The following IGSF8 variants were observed in gnomAD, a reference collection of about 807,000 sequenced individuals.
IGSF8 encodes immunoglobulin superfamily member 8.
IGSF8 carries 46 observed loss-of-function variants against 55.5 expected under a neutral mutation model. The observed-to-expected ratio is 0.83, with a 90% CI of 0.65 to 1.06. The LOEUF is 1.06. IGSF8 is among the 50% of genes least tolerant of loss of function. IGSF8 has a pLI of 0.00. For missense variants in IGSF8, 731 were observed against 832.3 expected, an observed-to-expected ratio of 0.88 and a Z score of 1.50; for synonymous variants, 314 against 356.1, an observed-to-expected ratio of 0.88 and a Z score of 1.33.
In IGSF8 at chr1:160,094,704, C is replaced by T. The variant is rs1026900161; in HGVS notation, c.442+165G>A. On this transcript the variant is annotated intron_variant, in intron 2 of 6. Transcript: ENST00000314485. This position sits in a 1 kb window ranked among gnomAD's most constrained non-coding sequence, Gnocchi z 4.0. ...TGAGGAACTCTGGGTTTGAGTCCCA[C>T]ATCAGCCACTGAGTTATTGGGTGAC... 9.2e-5 allele frequency among the ~76,000 whole-genome samples: 14 copies of T among 151,938 alleles called. No individual in the cohort carries two copies. The highest frequency in any genetic ancestry group is 1.9e-4 in the Non-Finnish European group (13 of 68,018).
rs1395644491 is a variant in IGSF8 at position 160,092,511 on chromosome 1, G to A, written c.1497C>T (p.Gly499=). The change falls in exon 5 of 7, where the codon GGC becomes GGT. Residue 499 remains glycine (G), a synonymous_variant. Transcript: ENST00000314485. ...GCTCTGCCACACCATCCTGGCCTAC[G>A]CCACCCACCAGCTGGGCAGGGACAG... ...LSSVPAQLVG[G]VGQDGVAELG... 3.1e-6 allele frequency: 5 copies of A among 1,613,126 alleles called. No homozygotes were observed. Among genetic ancestry groups the A allele is most frequent in the Admixed American group, 3.3e-5 (2 of 59,938 alleles).
At position 160,092,079 on chromosome 1, in the gene IGSF8, C is replaced by T. The variant is rs974676291; in HGVS notation, c.1727-141G>A. On this transcript the variant is annotated intron_variant, in intron 5 of 6. Coordinates refer to ENST00000314485, the MANE Select transcript of IGSF8 (RefSeq NM_052868.6). The stretch of plus-strand genomic sequence containing the variant: ...CCCATCCCTGCCCACAGCCTGCCCC[C>T]TCAGCATGCAAGTCAGCATCAACCA... 8.6e-6 allele frequency: 7 copies of T among 811,164 alleles called. No individual in the cohort carries two copies. In the African/African-American group the frequency reaches 1.0e-4, roughly 12 times the overall value. The allele number at this position is 811,164 out of a possible 1,614,324, so 50.2% of individuals were successfully genotyped here. A position where few individuals can be genotyped will look rare whatever the true frequency, so the allele number is the denominator to read the frequency against.
Position 160,094,773 on chromosome 1 carries a change from C to T in IGSF8, c.442+96G>A. ...CCTCTTTGGGCCTCAAGTTCCTTGG[C>T]TACAAAACCTAAGGGGCAACTAGAT... is the stretch of plus-strand genomic sequence containing the variant. On this transcript the variant is annotated intron_variant, in intron 2 of 6. Coordinates refer to ENST00000314485, the MANE Select transcript of IGSF8 (RefSeq NM_052868.6). This position sits in a 1 kb window ranked among gnomAD's most constrained non-coding sequence, Gnocchi z 4.0. 1 of 1,368,700 alleles carries T rather than the reference C, an allele frequency of 7.3e-7. No homozygotes were observed. The highest frequency in any genetic ancestry group is 2.4e-5 in the East Asian group (1 of 41,660). 84.8% of individuals were successfully genotyped at this position (1,368,700 alleles called of 1,614,324 possible).
In IGSF8 at chr1:160,091,624, G is replaced by T; in HGVS notation, c.*16-16C>A. On this transcript the variant is annotated splice_polypyrimidine_tract_variant and intron_variant, in intron 6 of 6. Coordinates refer to ENST00000314485, the MANE Select transcript of IGSF8 (RefSeq NM_052868.6). ...CCTGCAAGACCTGAAAAGGGTGCCC[G>T]GTGTGGGCTAAGGACAGAGAGCCCT... is the stretch of plus-strand genomic sequence containing the variant. 2 of 587,556 alleles carry T rather than the reference G, an allele frequency of 3.4e-6. No individual in the cohort carries two copies. The highest frequency in any genetic ancestry group is 6.2e-6 in the Non-Finnish European group (2 of 323,710). The allele number at this position is 587,556 out of a possible 1,614,324, so 36.4% of individuals were successfully genotyped here. A position where few individuals can be genotyped will look rare whatever the true frequency, so the allele number is the denominator to read the frequency against.
intron 1 of IGSF8, chr1:160,098,070 G>T: frequency 1.3e-6 from 1 of 766,150 alleles, no homozygotes; most frequent in Non-Finnish European, 1.6e-6. Flanking sequence ...GGAGCTGAGT[G>T]TGGGGCAGAA....
Position 160,095,191 on chromosome 1 carries a change from C to G in IGSF8, c.120G>C (p.Val40=), listed in dbSNP as rs369253419. 41 of 1,610,388 alleles carry G rather than the reference C, an allele frequency of 2.5e-5. No individual in the cohort carries two copies. In the African/African-American group the frequency reaches 5.5e-4, roughly 21 times the overall value. ...VLVPEGPLYR[V]AGTAVSISCN... is the part of the protein sequence containing the mutation. ...AGGAGATGGAGACAGCTGTGCCAGCCACGCGGTACAAGGGCCCCTCGGGGA... is the reference window on the plus strand; with the variant it reads ...AGGAGATGGAGACAGCTGTGCCAGCGACGCGGTACAAGGGCCCCTCGGGGA... The change falls in exon 2 of 7, where the codon GTG becomes GTC. Residue 40 remains valine, a synonymous_variant. Coordinates refer to ENST00000314485, the MANE Select transcript of IGSF8 (RefSeq NM_052868.6).
intron 4 of IGSF8, 87 bp downstream of exon 4, chr1:160,092,837 A>G: frequency 6.7e-7 from 1 of 1,501,326 alleles, no homozygotes. Context: ...GCCTGCAAAC[A>G]GCTGACGGAG....
intron 3 of IGSF8, 27 bp downstream of exon 3, chr1:160,093,683 A>C: frequency 6.4e-7 from 1 of 1,558,740 alleles, no homozygotes; most frequent in Non-Finnish European, 8.7e-7. Context: ...CCCAGCTCCC[A>C]CAGTGGGATG....
chr1:160,093,740 C>T lies in IGSF8; in HGVS notation c.874G>A (p.Val292Ile), dbSNP rs200867908. The T allele has an allele frequency of 1.8e-4, 291 of 1,611,818 alleles. 2 individuals are homozygous for T. In the South Asian group the frequency reaches 2.9e-3, roughly 16 times the overall value. The change falls in exon 3 of 7, where the codon GTC (valine) becomes ATC (isoleucine). Residue 292 changes from valine to isoleucine, a missense_variant. Transcript: ENST00000314485. ...SWAQIAEKRA[V>I]LAHVDVQTLS... ...GTCTGCACATCCACGTGGGCCAGGA[C>T]GGCCCTTTTCTCTGCAATCTGGGCC... is the stretch of plus-strand genomic sequence containing the variant.
rs779859337 is a variant in IGSF8 at position 160,092,605 on chromosome 1, C to T, written c.1403G>A (p.Gly468Asp). 1 of 1,606,878 alleles carries T rather than the reference C, an allele frequency of 6.2e-7. No homozygotes were observed. Among genetic ancestry groups the T allele is most frequent in the Non-Finnish European group, 8.5e-7 (1 of 1,179,896 alleles). The change falls in exon 5 of 7, where the codon GGT becomes GAT. Residue 468 changes from glycine to aspartate, a missense_variant. Physicochemically the swap from Gly to Asp is moderately conservative, Grantham distance 94. Coordinates refer to ENST00000314485, the MANE Select transcript of IGSF8 (RefSeq NM_052868.6). ...ASLLCNISVR[G>D]GPPGLRLAAS... is the part of the protein sequence containing the mutation. Reference sequence around the variant, plus strand: ...GGCCAGCCGCAGTCCTGGGGGGCCACCCCGCACAGAGATGTTGCACAGCAG... The same window carrying T: ...GGCCAGCCGCAGTCCTGGGGGGCCATCCCGCACAGAGATGTTGCACAGCAG...
chr1:160,093,090 C>T lies in IGSF8; in HGVS notation c.1146G>A (p.Glu382=), dbSNP rs1650109624. The T allele has an allele frequency of 6.2e-7, 1 of 1,613,966 alleles. No homozygotes were observed. Among genetic ancestry groups the T allele is most frequent in the Admixed American group, 1.7e-5 (1 of 60,002 alleles). ...PGYEGRHIAM[E]KVASRTYRLR... is the part of the protein sequence containing the mutation. ...GCCGGTATGTTCTGGATGCCACCTT[C>T]TCCATGGCAATGTGTCGGCCCTCAT... The change falls in exon 4 of 7, where the codon GAG becomes GAA. Residue 382 remains glutamate (E), a synonymous_variant. Coordinates refer to ENST00000314485, the MANE Select transcript of IGSF8 (RefSeq NM_052868.6).
upstream of IGSF8, among the ~76,000 whole-genome samples, chr1:160,099,113 C>T (rs553651831): frequency 2.6e-5 from 4 of 151,572 alleles, no homozygotes; most frequent in Admixed American, 2.0e-4. Context: ...CGCCCCGCCC[C>T]TGGCCCTGGC....
chr1:160,094,101 G>A lies in IGSF8; in HGVS notation c.513C>T (p.Pro171=), dbSNP rs770393605. Residue 171 remains proline, a synonymous_variant, in exon 3 of 7, where the codon CCC becomes CCT. Coordinates refer to ENST00000314485, the MANE Select transcript of IGSF8 (RefSeq NM_052868.6). The surrounding 1 kb of genome is among the most constrained non-coding windows in gnomAD (Gnocchi z 4.0). ...GCCCCTCATGCACCGTCATGCGTGG[G>A]GGTGAGGTTGGGGCCTGGCGGCCTC... ...GPRGRQAPTS[P]PRMTVHEGQE... 22 of 1,611,158 alleles carry A rather than the reference G, an allele frequency of 1.4e-5. No homozygotes were observed. Among genetic ancestry groups the A allele is most frequent in the Non-Finnish European group, 1.8e-5 (21 of 1,180,016 alleles).
At chr1:160,099,440 C>T (rs1650689044), upstream of IGSF8, among the ~76,000 whole-genome samples, 1 of 152,230 alleles carries the variant, frequency 6.6e-6, no homozygotes, top group African/African-American at 2.4e-5. Flanking sequence ...TTCACCCCCT[C>T]AGAGGGCAAA....
chr1:160,097,905 T>A, intron 1 of IGSF8: 1 of 985,420 alleles, frequency 1.0e-6, no homozygotes, highest in Non-Finnish European at 1.2e-6. Context: ...GAGAGGGAAC[T>A]GCCCCCAGTT....
In IGSF8 at chr1:160,093,912, A is replaced by G; in HGVS notation, c.702T>C (p.Tyr234=). ...GCTCCCCTGCAGCCAATCGCTCAGC[A>G]TAGGGAGCTCCAGCCTCCACGGCCA... The part of the protein sequence containing the change: ...SDLAVEAGAP[Y]AERLAAGELR... The change falls in exon 3 of 7, where the codon TAT becomes TAC. Residue 234 remains tyrosine, a synonymous_variant. Coordinates refer to ENST00000314485, the MANE Select transcript of IGSF8 (RefSeq NM_052868.6). The G allele has an allele frequency of 6.2e-7, 1 of 1,614,238 alleles. No individual in the cohort carries two copies. The highest frequency in any genetic ancestry group is 8.5e-7 in the Non-Finnish European group (1 of 1,180,030).
intron 1 of IGSF8, 92 bp downstream of exon 1, chr1:160,098,317 G>C: frequency 6.7e-7 from 1 of 1,487,522 alleles, no homozygotes; most frequent in Non-Finnish European, 9.0e-7. Flanking sequence ...CCTGACGGAG[G>C]AGGATGTGAG....
In IGSF8 at chr1:160,092,441, C is replaced by T. The variant is rs1335121989; in HGVS notation, c.1567G>A (p.Gly523Arg). 1.2e-6 allele frequency: 2 copies of T among 1,611,542 alleles called. No individual in the cohort carries two copies. Among genetic ancestry groups the T allele is most frequent in the South Asian group, 1.1e-5 (1 of 90,916 alleles). The change falls in exon 5 of 7, where the codon GGG becomes AGG. Residue 523 changes from glycine to arginine, a missense_variant. By Grantham distance (125) the Gly-to-Arg change is moderately radical (BLOSUM62 -2). Coordinates refer to ENST00000314485, the MANE Select transcript of IGSF8 (RefSeq NM_052868.6). ...GGGPVSVELV[G>R]PRSHRLRLHS... ...AGTCTCAGCCGATGGCTTCGGGGCCCCACCAGCTCTACGCTGACAGGGCCT... is the reference window on the plus strand; with the variant it reads ...AGTCTCAGCCGATGGCTTCGGGGCCTCACCAGCTCTACGCTGACAGGGCCT...
chr1:160,097,862 G>A (rs1650544548), intron 1 of IGSF8: 1 of 985,378 alleles, frequency 1.0e-6, no homozygotes, highest in African/African-American at 1.7e-5. Flanking sequence ...GAAGGGCAAA[G>A]AGGGACCCAA....
Sources: allele counts gnomAD v4.1 joint callset (sites outside exome capture counted in the v4.1 genomes callset), GRCh38; gene constraint gnomAD v4.1.1; non-coding constraint Gnocchi (gnomAD v3.1); transcripts MANE v1.5; gene names NCBI Gene and HGNC (gene_info 2026-07-23, HGNC 2026-07-21).